HAUS6: variants seen among roughly 807,000 people sequenced by gnomAD.
The protein encoded by HAUS6 is HAUS augmin-like complex subunit 6.
In HAUS6, 80 loss-of-function variants were observed where a neutral mutation model predicts 106.8. The observed-to-expected ratio is 0.75, with a 90% CI of 0.63 to 0.90. HAUS6 has a LOEUF of 0.90. HAUS6 is among the 40% of genes least tolerant of loss of function. HAUS6 has a pLI of 0.00. For synonymous variants in HAUS6, 356 were observed against 379.1 expected, an observed-to-expected ratio of 0.94 and a Z score of 0.71; for missense variants, 1,155 against 1,118.1, an observed-to-expected ratio of 1.03 and a Z score of -0.47.
chr9:19,073,642 C>A (rs78764230), intron 11 of HAUS6, among the ~76,000 whole-genome samples: 6,297 of 81,876 alleles, frequency 0.077, 143 homozygotes, highest in South Asian at 0.11. Context: ...AGTGGATCTC[C>A]AAAAAAAAAA....
intron 12 of HAUS6, among the ~76,000 whole-genome samples, chr9:19,069,376 A>G (rs1443232778): frequency 6.6e-6 from 1 of 152,210 alleles, no homozygotes; most frequent in Admixed American, 6.5e-5. Flanking sequence ...TCTATGGTAG[A>G]AAAATATTGT....
intron 12 of HAUS6, among the ~76,000 whole-genome samples, chr9:19,068,558 A>G (rs1325877795): frequency 2.6e-5 from 4 of 152,224 alleles, no homozygotes; most frequent in Non-Finnish European, 1.5e-5. Context: ...TTAGTGTTAC[A>G]GCTTATTAAC....
chr9:19,078,320 A>G lies in HAUS6; in HGVS notation c.1065-18T>C. On this transcript the variant is annotated intron_variant, in intron 9 of 16. Coordinates refer to ENST00000380502, the MANE Select transcript of HAUS6 (RefSeq NM_017645.5). ...TTCTATACCTATAATAGCATAAAAA[A>G]ACTTTATTCAAAAGATGATACAAAA... is the stretch of plus-strand genomic sequence containing the variant. The G allele has an allele frequency of 7.5e-7, 1 of 1,329,594 alleles. No homozygotes were observed. The highest frequency in any genetic ancestry group is 1.3e-5 in the South Asian group (1 of 78,778). 82.4% of individuals were successfully genotyped at this position (1,329,594 alleles called of 1,614,324 possible).
chr9:19,099,017 CAAAAAAAAA>C (rs377024544), intron 1 of HAUS6, among the ~76,000 whole-genome samples: 15 of 90,686 alleles, frequency 1.7e-4, no homozygotes, highest in Non-Finnish European at 2.0e-4. Flanking sequence ...AACTCCATCT[CAAAAAAAAA>C]AAAAAAAAGA....
At chr9:19,085,515 T>G (rs543547746) in intron 7 of HAUS6, among the ~76,000 whole-genome samples, 25 of 151,968 alleles carry the variant, frequency 1.6e-4, no homozygotes, top group Admixed American at 1.4e-3. Context: ...GGCGCTAACC[T>G]TTACAGGTGA....
intron 9 of HAUS6, among the ~76,000 whole-genome samples, chr9:19,079,380 C>G (rs1286196707): frequency 6.6e-6 from 1 of 151,170 alleles, no homozygotes; most frequent in African/African-American, 2.4e-5. Flanking sequence ...TACAGGCGCA[C>G]GCCACCACGC....
rs372627388 is a variant in HAUS6 at position 19,058,240 on chromosome 9, A to C, written c.2527T>G (p.Ser843Ala). ...LRSRYEALKK[S>A]LSKKREESYL... ...GATTCTTCCCTTTTCTTGGAAAGAG[A>C]TTTCTTCAGAGCCTCGTATCTACTG... Residue 843 changes from serine (S) to alanine (A), a missense_variant, in exon 16 of 17, where the codon TCT (serine) becomes GCT (alanine). Ser to Ala is a moderately conservative substitution (Grantham distance 99). Coordinates refer to ENST00000380502, the MANE Select transcript of HAUS6 (RefSeq NM_017645.5). 6 of 1,613,638 alleles carry C rather than the reference A, an allele frequency of 3.7e-6. No homozygotes were observed. In the African/African-American group the frequency reaches 8.0e-5, roughly 22 times the overall value.
chr9:19,090,469 A>G (rs558306032), intron 4 of HAUS6, among the ~76,000 whole-genome samples: 3 of 152,090 alleles, frequency 2.0e-5, no homozygotes, highest in South Asian at 4.2e-4. Context: ...GGTTCACGCC[A>G]TTCTCCTGCC....
At chr9:19,089,298 G>C (rs1817695557) in intron 5 of HAUS6, 114 bp downstream of exon 5, 1 of 665,208 alleles carries the variant, frequency 1.5e-6, no homozygotes, top group Middle Eastern at 4.1e-4. Flanking sequence ...CTTTAAAATA[G>C]AAAGATAACC....
At chr9:19,059,568 A>C (rs1041002043) in intron 15 of HAUS6, among the ~76,000 whole-genome samples, 1 of 152,242 alleles carries the variant, frequency 6.6e-6, no homozygotes, top group African/African-American at 2.4e-5. Context: ...GAAATTATTT[A>C]ATTACTCAAC....
At position 19,062,280 on chromosome 9, in the gene HAUS6, A is replaced by T. The variant is rs189518276; in HGVS notation, c.1629+728T>A. ...AAAACCTATGCTCAGTGATAATGAT[A>T]TGATATTGCAGTGTGTTCTAATATT... On this transcript the variant is annotated intron_variant, in intron 14 of 16. Coordinates refer to ENST00000380502, the MANE Select transcript of HAUS6 (RefSeq NM_017645.5). Among the ~76,000 whole-genome samples, 5 of 152,352 alleles carry T rather than the reference A, an allele frequency of 3.3e-5. No individual in the cohort carries two copies. In the East Asian group the frequency reaches 9.6e-4, roughly 29 times the overall value.
chr9:19,056,111 T>C lies in HAUS6; in HGVS notation c.*232A>G, dbSNP rs2131091771. 2 of 404,250 alleles carry C rather than the reference T, an allele frequency of 4.9e-6. No individual in the cohort carries two copies. The highest frequency in any genetic ancestry group is 7.2e-5 in the East Asian group (2 of 27,916). The allele number at this position is 404,250 out of a possible 1,614,324, so 25.0% of individuals were successfully genotyped here. On this transcript the variant is annotated 3_prime_UTR_variant, in exon 17 of 17. Transcript: ENST00000380502. ...AAAATGGCTTCCCATTGCTTGACGTTTGTTGTCCAAATACTTCACATTTCA... is the reference window on the plus strand; with the variant it reads ...AAAATGGCTTCCCATTGCTTGACGTCTGTTGTCCAAATACTTCACATTTCA...
At chr9:19,078,801 A>C (rs572011254) in intron 9 of HAUS6, among the ~76,000 whole-genome samples, 1 of 150,400 alleles carries the variant, frequency 6.6e-6, no homozygotes, top group Admixed American at 6.6e-5. Context: ...CCGTCTCAAA[A>C]ATAAAAAATA....
intron 16 of HAUS6, 153 bp downstream of exon 16, chr9:19,057,808 T>C (rs978008316): frequency 3.4e-5 from 19 of 564,182 alleles, no homozygotes; most frequent in Non-Finnish European, 5.7e-5. Context: ...TGAAAGGACC[T>C]GTCCAGTGAG....
chr9:19,094,194 AT>A (rs1285141625), intron 3 of HAUS6, 122 bp downstream of exon 3: 1 of 557,096 alleles, frequency 1.8e-6, no homozygotes, highest in Non-Finnish European at 3.2e-6. Flanking sequence ...ATTTTAACTA[AT>A]ATTTCCTTGC....
At chr9:19,083,981 T>C (rs1837224645) in intron 7 of HAUS6, among the ~76,000 whole-genome samples, 1 of 147,166 alleles carries the variant, frequency 6.8e-6, no homozygotes, top group Non-Finnish European at 1.5e-5. Context: ...GCACGCACAG[T>C]GGCGCATACC....
chr9:19,088,737 G>C (rs1436344275), intron 5 of HAUS6, among the ~76,000 whole-genome samples: 2 of 151,714 alleles, frequency 1.3e-5, no homozygotes, highest in Non-Finnish European at 1.5e-5. Context: ...AATGAGCCAG[G>C]CGTGGTGGCA....
intron 10 of HAUS6, among the ~76,000 whole-genome samples, 160 bp downstream of exon 10, chr9:19,078,016 A>G (rs1014787476): frequency 6.6e-6 from 1 of 151,666 alleles, no homozygotes; most frequent in South Asian, 2.1e-4. Flanking sequence ...AGCTATGATC[A>G]TGCCACCGTA....
At chr9:19,094,491 AC>A in intron 2 of HAUS6, 96 bp from the exon 3 acceptor site, 1 of 712,086 alleles carries the variant, frequency 1.4e-6, no homozygotes, top group Non-Finnish European at 2.4e-6. Context: ...TATTTCTAAT[AC>A]CAGAAATATT....
Sources: allele counts gnomAD v4.1 joint callset (sites outside exome capture counted in the v4.1 genomes callset), GRCh38; gene constraint gnomAD v4.1.1; transcripts MANE v1.5; gene names NCBI Gene and HGNC (gene_info 2026-07-23, HGNC 2026-07-21).